PCDH7: variants seen among roughly 807,000 people sequenced by gnomAD.
PCDH7 encodes protocadherin 7.
PCDH7 carries 17 observed loss-of-function variants against 58.9 expected under a neutral mutation model. That is an observed-to-expected ratio of 0.29 (90% CI 0.20 to 0.43). The LOEUF is 0.43. Ranked by LOEUF, PCDH7 falls within the 20% of genes least tolerant of loss-of-function variation. The pLI is 1.00. For missense variants in PCDH7, 1,274 were observed against 1,441.0 expected (o/e 0.88, Z 1.88); for synonymous variants, 664 against 616.4 (o/e 1.08, Z -1.14).
chr4:30,931,500 G>C lies in PCDH7; in HGVS notation c.287+11131G>C, dbSNP rs368512256. Among the ~76,000 whole-genome samples, 5 of 152,144 alleles carry C rather than the reference G, an allele frequency of 3.3e-5. No homozygotes were observed. The East Asian group carries it at 7.7e-4, about 24-fold the overall frequency. The stretch of plus-strand genomic sequence containing the variant: ...TGAGACAGGAGAATCGCTTGAACCC[G>C]GGAGGTGGAGGTTGCAGTGAGTGAG... On this transcript the variant is annotated intron_variant, in intron 2 of 3. Transcript: ENST00000509759.
intron 1 of PCDH7, among the ~76,000 whole-genome samples, chr4:30,894,514 T>TACAC (rs1739103593): frequency 8.3e-5 from 4 of 48,032 alleles, no homozygotes; most frequent in Non-Finnish European, 1.3e-4. Flanking sequence ...TATATATATA[T>TACAC]ATACACACAC....
intron 1 of PCDH7, among the ~76,000 whole-genome samples, chr4:30,794,469 T>G (rs779966881): frequency 1.6e-4 from 24 of 152,174 alleles, no homozygotes; most frequent in Non-Finnish European, 2.9e-4. Context: ...CATAGCCTCT[T>G]TTGGCAGTTA....
chr4:31,089,806 T>A (rs1415914948), intron 3 of PCDH7, among the ~76,000 whole-genome samples: 1 of 152,118 alleles, frequency 6.6e-6, no homozygotes, highest in Non-Finnish European at 1.5e-5. Flanking sequence ...AACCATCAAC[T>A]AACTCTCGAA....
chr4:30,848,080 A>T (rs1216577500), intron 1 of PCDH7, among the ~76,000 whole-genome samples: 1 of 152,166 alleles, frequency 6.6e-6, no homozygotes, highest in Non-Finnish European at 1.5e-5. Context: ...TAAATGGATT[A>T]CCCATATAAA....
At chr4:31,012,279 C>A (rs1305248821) in intron 3 of PCDH7, among the ~76,000 whole-genome samples, 1 of 152,058 alleles carries the variant, frequency 6.6e-6, no homozygotes, top group Non-Finnish European at 1.5e-5. Flanking sequence ...AACTTCCTTT[C>A]AAGGTTATAT....
At chr4:31,008,545 T>G (rs1752953710) in intron 3 of PCDH7, among the ~76,000 whole-genome samples, 1 of 152,178 alleles carries the variant, frequency 6.6e-6, no homozygotes, top group Admixed American at 6.6e-5. Flanking sequence ...TACAAAAATT[T>G]TAAATGAATA....
intron 1 of PCDH7, among the ~76,000 whole-genome samples, chr4:30,856,631 G>A (rs1051958211): frequency 6.6e-6 from 1 of 150,378 alleles, no homozygotes; most frequent in African/African-American, 2.4e-5. Flanking sequence ...TTCATGCTTA[G>A]GAAAATATAA....
intron 1 of PCDH7, among the ~76,000 whole-genome samples, chr4:30,754,065 G>A (rs1718934776): frequency 6.6e-6 from 1 of 151,996 alleles, no homozygotes; most frequent in Non-Finnish European, 1.5e-5. Flanking sequence ...TTCTCCAATT[G>A]TAGTCAGGTT....
chr4:30,960,808 A>T (rs1748338614), intron 3 of PCDH7, among the ~76,000 whole-genome samples: 1 of 152,208 alleles, frequency 6.6e-6, no homozygotes, highest in Admixed American at 6.5e-5. Context: ...ATATGAGATG[A>T]GAAAATAACA....
In PCDH7 at chr4:30,904,368, A is replaced by C. The variant is rs1740635251; in HGVS notation, c.71-15785A>C. Among the ~76,000 whole-genome samples, 4 of 152,052 alleles carry C rather than the reference A, an allele frequency of 2.6e-5. No individual in the cohort carries two copies. The South Asian group carries it at 8.3e-4, about 32-fold the overall frequency. ...GCCCACTCCCTCCCTCTTCAAAACT[A>C]CCCATGGTGAATAGAATCCTCACAG... On this transcript the variant is annotated intron_variant, in intron 1 of 3. Coordinates refer to the PCDH7 transcript ENST00000509759.
intron 3 of PCDH7, among the ~76,000 whole-genome samples, chr4:31,037,142 G>A: frequency 6.6e-6 from 1 of 151,938 alleles, no homozygotes; most frequent in East Asian, 1.9e-4. Context: ...ATCATCTCCT[G>A]CGTTTTGAGT....
intron 2 of PCDH7, among the ~76,000 whole-genome samples, chr4:30,920,781 C>G (rs554994242): frequency 2.6e-5 from 4 of 152,238 alleles, no homozygotes; most frequent in African/African-American, 7.2e-5. Flanking sequence ...AGAAACATAC[C>G]TTGCTCTACC....
In PCDH7 at chr4:30,722,194, C is replaced by T; in HGVS notation, c.772C>T (p.Pro258Ser). Residue 258 changes from proline to serine, a missense_variant, in exon 1 of 2, where the codon CCG (proline) becomes TCG (serine). Transcript: ENST00000361762. This position sits in a 1 kb window ranked among gnomAD's most constrained non-coding sequence, Gnocchi z 7.6. ...GGACACCCCGGACGGCGAGAAGCAG[C>T]CGCAGCTGATCGTGAAGGGGGCGCT... 1.3e-6 allele frequency: 2 copies of T among 1,576,210 alleles called. No homozygotes were observed. Among genetic ancestry groups the T allele is most frequent in the South Asian group, 1.2e-5 (1 of 86,804 alleles).
intron 3 of PCDH7, among the ~76,000 whole-genome samples, chr4:30,986,521 G>C (rs539187474): frequency 1.2e-4 from 18 of 152,038 alleles, no homozygotes; most frequent in Admixed American, 8.5e-4. Flanking sequence ...ACCAGTCAGA[G>C]ACGTGTAGAT....
intron 1 of PCDH7, among the ~76,000 whole-genome samples, chr4:30,858,280 C>T (rs1733751052): frequency 6.6e-6 from 1 of 151,990 alleles, no homozygotes; most frequent in African/African-American, 2.4e-5. Flanking sequence ...TTTAAATTAC[C>T]TTTTTGTGTC....
chr4:31,053,261 CCTT>C (rs2109224098), intron 3 of PCDH7, among the ~76,000 whole-genome samples: 1 of 152,246 alleles, frequency 6.6e-6, no homozygotes, highest in South Asian at 2.1e-4. Flanking sequence ...TACCCAAAGT[CCTT>C]CTTCACCCCT....
At chr4:30,831,100 T>A (rs1043522822) in intron 1 of PCDH7, among the ~76,000 whole-genome samples, 4 of 152,122 alleles carry the variant, frequency 2.6e-5, no homozygotes, top group Admixed American at 1.3e-4. Context: ...CTTAGGCATT[T>A]CTTTACCCTC....
chr4:31,121,665 T>C (rs887618394), intron 3 of PCDH7, among the ~76,000 whole-genome samples: 1 of 152,108 alleles, frequency 6.6e-6, no homozygotes, highest in Non-Finnish European at 1.5e-5. Flanking sequence ...AATGTCCAAA[T>C]AAGAACAAGT....
At chr4:30,791,486 T>C (rs1195370298) in intron 1 of PCDH7, among the ~76,000 whole-genome samples, 2 of 152,226 alleles carry the variant, frequency 1.3e-5, no homozygotes, top group African/African-American at 4.8e-5. Flanking sequence ...TATTGTTGTT[T>C]CTATACTTGA....
Sources: allele counts gnomAD v4.1 joint callset (sites outside exome capture counted in the v4.1 genomes callset), GRCh38; gene constraint gnomAD v4.1.1; non-coding constraint Gnocchi (gnomAD v3.1); transcripts MANE v1.5; gene names NCBI Gene and HGNC (gene_info 2026-07-23, HGNC 2026-07-21).